COL12A1: variants seen among roughly 807,000 people sequenced by gnomAD.
COL12A1 encodes collagen alpha-1(XII) chain.
In COL12A1, 114 loss-of-function variants were observed where a neutral mutation model predicts 349.7. The ratio of observed to expected loss-of-function variants is 0.33; its 90% CI spans 0.28 to 0.38. The LOEUF (loss-of-function observed/expected upper bound fraction) is 0.38, where lower values mean the gene tolerates loss of function less well. Among genes scored for constraint, COL12A1 ranks in the 10% least tolerant of loss-of-function variants. COL12A1 has a pLI of 1.00. For missense variants in COL12A1, 3,284 were observed against 3,756.9 expected (o/e 0.87, Z 3.29); for synonymous variants, 1,369 against 1,329.0 (o/e 1.03, Z -0.66).
intron 60 of COL12A1, among the ~76,000 whole-genome samples, chr6:75,093,105 A>G (rs1218053968): frequency 6.6e-6 from 1 of 152,128 alleles, no homozygotes. Context: ...CACCAGCACA[A>G]TCATTCTCTA....
rs1311216027 is a variant in COL12A1 at position 75,124,040 on chromosome 6, G to C, written c.6779C>G (p.Thr2260Ser). 1.2e-6 allele frequency: 2 copies of C among 1,613,892 alleles called. No homozygotes were observed. Among genetic ancestry groups the C allele is most frequent in the Non-Finnish European group, 1.7e-6 (2 of 1,179,906 alleles). Residue 2260 changes from threonine to serine, a missense_variant, in exon 42 of 66, where the codon ACT (threonine) becomes AGT (serine). By Grantham distance (58) the Thr-to-Ser change is moderately conservative. Coordinates refer to ENST00000322507, the MANE Select transcript of COL12A1 (RefSeq NM_004370.6). ...ATAATCAGTGTCTGGTGAAAGGCCA[G>C]TGAAGCAGTGACTGGTTTCTGATCC... is the stretch of plus-strand genomic sequence containing the variant. ...VRGSETSHCF[T>S]GLSPDTDYGV... is the part of the protein sequence containing the mutation.
intron 8 of COL12A1, among the ~76,000 whole-genome samples, chr6:75,187,290 G>C (rs1266383489): frequency 2.0e-5 from 3 of 151,618 alleles, no homozygotes; most frequent in Non-Finnish European, 4.4e-5. Flanking sequence ...CAGCAGAAGA[G>C]AGAAGCCTTA....
At chr6:75,089,210 A>C in intron 63 of COL12A1, 36 bp from the exon 64 acceptor site, 3 of 1,448,724 alleles carry the variant, frequency 2.1e-6, no homozygotes, top group Admixed American at 2.1e-5. Context: ...ACAGGGGAAA[A>C]ATTATCTGGA....
At chr6:75,095,565 C>A (rs935788505) in intron 59 of COL12A1, among the ~76,000 whole-genome samples, 5 of 140,410 alleles carry the variant, frequency 3.6e-5, no homozygotes, top group Admixed American at 2.2e-4. Flanking sequence ...TGCAGTGAGC[C>A]GAGATTGCGC....
chr6:75,121,042 A>G, intron 44 of COL12A1, among the ~76,000 whole-genome samples: 1 of 152,336 alleles, frequency 6.6e-6, no homozygotes, highest in South Asian at 2.1e-4. Flanking sequence ...TTAAGCAGGA[A>G]GTTAGAGTCC....
chr6:75,137,607 T>A (rs992782386), intron 30 of COL12A1, 28 bp from the exon 31 acceptor site: 3 of 1,612,732 alleles, frequency 1.9e-6, no homozygotes, highest in Non-Finnish European at 2.5e-6. Context: ...AAAAACTGAG[T>A]AAGCAGACAG....
At position 75,090,302 on chromosome 6, in the gene COL12A1, C is replaced by G; in HGVS notation, c.8753-4G>C. On this transcript the variant is annotated splice_polypyrimidine_tract_variant and splice_region_variant and intron_variant, in intron 62 of 65. Transcript: ENST00000322507. This position sits in a 1 kb window ranked among gnomAD's most constrained non-coding sequence, Gnocchi z 4.1. The stretch of plus-strand genomic sequence containing the variant: ...TGATTGAATCTGTTCATCTGACCTA[C>G]AAGCAGAAATAAGGCTTGTTAGTAA... 6.3e-7 allele frequency: 1 copy of G among 1,598,368 alleles called. No individual in the cohort carries two copies. The highest frequency in any genetic ancestry group is 8.6e-7 in the Non-Finnish European group (1 of 1,168,080).
rs1032205753 is a variant in COL12A1, at chr6:75,175,317, T to TA, written c.2438-8dup. 1.2e-5 allele frequency: 19 copies of TA among 1,601,746 alleles called. No individual in the cohort carries two copies. The highest frequency in any genetic ancestry group is 1.3e-5 in the Non-Finnish European group (15 of 1,175,532). ...TCTCTTGGATTCCCTCTAACTTCAT[T>TA]AAAAAATGACAACATCATCAAAACC... On this transcript the variant is annotated splice_polypyrimidine_tract_variant and splice_region_variant and intron_variant, in intron 12 of 65. Coordinates refer to ENST00000322507, the MANE Select transcript of COL12A1 (RefSeq NM_004370.6).
At chr6:75,126,083 G>T (rs917753371) in intron 39 of COL12A1, among the ~76,000 whole-genome samples, 6 of 152,090 alleles carry the variant, frequency 3.9e-5, no homozygotes, top group African/African-American at 1.4e-4. Context: ...TCTGAAGACA[G>T]GCATCTTTGA....
At chr6:75,187,433 T>C (rs1769685461) in intron 8 of COL12A1, among the ~76,000 whole-genome samples, 1 of 152,036 alleles carries the variant, frequency 6.6e-6, no homozygotes. Flanking sequence ...TACATGCAAC[T>C]GCACCCCAGG....
Position 75,101,575 on chromosome 6 carries a change from T to C in COL12A1, c.8523+25A>G, listed in dbSNP as rs3734191. ...CCATATGACATCATTTCCAACATCA[T>C]TGTAGCCTGCTCAAGAAAACTTACT... is the stretch of plus-strand genomic sequence containing the variant. On this transcript the variant is annotated intron_variant, in intron 58 of 65. Coordinates refer to ENST00000322507, the MANE Select transcript of COL12A1 (RefSeq NM_004370.6). 36,726 of 1,608,218 alleles carry C rather than the reference T, an allele frequency of 0.023. 1,122 individuals are homozygous for C. Among genetic ancestry groups the C allele is most frequent in the East Asian group, 0.17 (7,644 of 44,806 alleles).
intron 27 of COL12A1, among the ~76,000 whole-genome samples, chr6:75,139,547 C>T (rs1766791370): frequency 6.6e-6 from 1 of 152,140 alleles, no homozygotes; most frequent in African/African-American, 2.4e-5. Context: ...AGAATGTCTG[C>T]CTAGCTGTAA....
At position 75,142,156 on chromosome 6, in the gene COL12A1, C is replaced by T. The variant is rs369793258; in HGVS notation, c.4833G>A (p.Glu1611=). 1.4e-5 allele frequency: 22 copies of T among 1,613,976 alleles called. No individual in the cohort carries two copies. In the South Asian group the frequency reaches 2.3e-4, roughly 17 times the overall value. The change falls in exon 27 of 66, where the codon GAG becomes GAA. Residue 1611 remains glutamate, a synonymous_variant. Coordinates refer to ENST00000322507, the MANE Select transcript of COL12A1 (RefSeq NM_004370.6). ...KTPEEDVKEV[E]VDRSETSTSL... is the part of the protein sequence containing the mutation. Reference sequence around the variant, plus strand: ...AAGTGCTGGTCTCTGATCTGTCCACCTCTACCTATAACAGTAACAGAGCAG... The same window carrying T: ...AAGTGCTGGTCTCTGATCTGTCCACTTCTACCTATAACAGTAACAGAGCAG...
intron 17 of COL12A1, 28 bp from the exon 18 acceptor site, chr6:75,152,510 G>GTTTTT: frequency 6.2e-7 from 1 of 1,612,030 alleles, no homozygotes; most frequent in Non-Finnish European, 8.5e-7. Context: ...AGACAAGACA[G>GTTTTT]TAAGAAGCAA....
intron 56 of COL12A1, among the ~76,000 whole-genome samples, 161 bp downstream of exon 56, chr6:75,102,436 T>C (rs1172543399): frequency 2.6e-5 from 4 of 152,148 alleles, no homozygotes; most frequent in Non-Finnish European, 4.4e-5. Context: ...ATAGTCTATT[T>C]ACGTATCTAA....
chr6:75,087,683 G>A lies in COL12A1; in HGVS notation c.9075C>T (p.Pro3025=). 6.2e-7 allele frequency: 1 copy of A among 1,609,998 alleles called. No homozygotes were observed. Among genetic ancestry groups the A allele is most frequent in the East Asian group, 2.2e-5 (1 of 44,754 alleles). The change falls in exon 65 of 66, where the codon CCC becomes CCT. Residue 3025 remains proline (P), a synonymous_variant. Coordinates refer to ENST00000322507, the MANE Select transcript of COL12A1 (RefSeq NM_004370.6). ...GSTGSRGPPG[P]PGRPGNSGIR... ...TACCTGAGTTTCCAGGACGGCCAGG[G>A]GGGCCAGGGGGACCTCTTGAACCTG... is the stretch of plus-strand genomic sequence containing the variant.
chr6:75,122,787 T>G (rs1765810762), intron 43 of COL12A1, among the ~76,000 whole-genome samples: 1 of 152,226 alleles, frequency 6.6e-6, no homozygotes. Context: ...TTTGACAAAG[T>G]GCTAGAGAAT....
At chr6:75,094,852 T>C (rs1431541826) in intron 60 of COL12A1, among the ~76,000 whole-genome samples, 1 of 152,200 alleles carries the variant, frequency 6.6e-6, no homozygotes, top group Non-Finnish European at 1.5e-5. Flanking sequence ...CGCAGAAATA[T>C]GTGTCTTGGC....
intron 16 of COL12A1, 107 bp from the exon 17 acceptor site, chr6:75,154,644 T>G: frequency 8.5e-7 from 1 of 1,177,718 alleles, no homozygotes; most frequent in Non-Finnish European, 1.2e-6. Flanking sequence ...AAGCTTACAC[T>G]ATGAAGAGTT....
Sources: gnomAD v4.1 joint callset for allele counts (sites outside exome capture counted in the v4.1 genomes callset) on GRCh38, gnomAD v4.1.1 for gene constraint, Gnocchi (gnomAD v3.1) non-coding constraint, MANE v1.5 for transcripts, NCBI Gene and HGNC (gene_info 2026-07-23, HGNC 2026-07-21) for gene names.